SULT1E1: variants seen among roughly 807,000 people sequenced by gnomAD.
The protein encoded by SULT1E1 is sulfotransferase family 1E member 1.
SULT1E1 carries 36 observed loss-of-function variants against 33.6 expected under a neutral mutation model. That is an observed-to-expected ratio of 1.07 (90% CI 0.82 to 1.41). The LOEUF (loss-of-function observed/expected upper bound fraction) is 1.41, where lower values mean the gene tolerates loss of function less well. Among genes scored for constraint, SULT1E1 ranks in the 40% most tolerant of loss-of-function variants. The pLI, the probability that SULT1E1 is intolerant of heterozygous loss-of-function variation, is 0.00. For missense variants in SULT1E1, 371 were observed against 345.7 expected, an observed-to-expected ratio of 1.07 and a Z score of -0.58; for synonymous variants, 121 against 111.7, an observed-to-expected ratio of 1.08 and a Z score of -0.53.
downstream of SULT1E1, among the ~76,000 whole-genome samples, chr4:69,837,311 T>G (rs566750716): frequency 1.3e-5 from 2 of 152,200 alleles, no homozygotes; most frequent in African/African-American, 4.8e-5. Flanking sequence ...ATGAAATGAG[T>G]AAAACATTTG....
the SULT1E1 span, among the ~76,000 whole-genome samples, chr4:69,823,593 C>A: frequency 2.0e-5 from 3 of 152,122 alleles, no homozygotes; most frequent in South Asian, 2.1e-4. Flanking sequence ...GTGGCCCATA[C>A]GGTGTCTAAG....
At chr4:69,830,434 G>A in the SULT1E1 span, among the ~76,000 whole-genome samples, 8 of 152,354 alleles carry the variant, frequency 5.3e-5, no homozygotes, top group Admixed American at 1.3e-4. Flanking sequence ...TGAACAGGGT[G>A]TACAACCGAA....
chr4:69,849,909 T>A (rs1042864759), intron 4 of SULT1E1, among the ~76,000 whole-genome samples: 2 of 151,972 alleles, frequency 1.3e-5, no homozygotes, highest in African/African-American at 4.8e-5. Context: ...TAAGCTGAAA[T>A]TTAGTGATAA....
the SULT1E1 span, among the ~76,000 whole-genome samples, chr4:69,834,966 G>T: frequency 6.6e-6 from 1 of 151,998 alleles, no homozygotes; most frequent in African/African-American, 2.4e-5. Context: ...CTGAAGAATT[G>T]TTACCATATC....
chr4:69,838,161 G>A (rs570824661), downstream of SULT1E1, among the ~76,000 whole-genome samples: 10 of 152,088 alleles, frequency 6.6e-5, 1 homozygote, highest in African/African-American at 1.4e-4. Flanking sequence ...TAGGTCCTCT[G>A]TTTTCCCATC....
intron 4 of SULT1E1, among the ~76,000 whole-genome samples, chr4:69,851,506 A>G (rs1307872966): frequency 6.6e-6 from 1 of 152,190 alleles, no homozygotes; most frequent in Admixed American, 6.5e-5. Context: ...AGAAATAGGA[A>G]CACTTTTACA....
intron 1 of SULT1E1, among the ~76,000 whole-genome samples, chr4:69,858,872 G>A (rs1270325513): frequency 6.6e-6 from 1 of 152,096 alleles, no homozygotes; most frequent in Non-Finnish European, 1.5e-5. Flanking sequence ...CTTTCTTGGT[G>A]TTCAGCCAAG....
chr4:69,851,253 A>G (rs988701178), intron 4 of SULT1E1, among the ~76,000 whole-genome samples: 2 of 152,196 alleles, frequency 1.3e-5, no homozygotes, highest in African/African-American at 4.8e-5. Context: ...TCCAGAATAT[A>G]CAAAAAACTC....
intron 4 of SULT1E1, among the ~76,000 whole-genome samples, chr4:69,853,283 T>C (rs539169232): frequency 1.3e-5 from 2 of 152,266 alleles, no homozygotes; most frequent in South Asian, 2.1e-4. Context: ...TCATGTATAA[T>C]ATTATTTTTA....
intron 6 of SULT1E1, among the ~76,000 whole-genome samples, chr4:69,845,262 G>A (rs560360236): frequency 1.3e-5 from 2 of 151,872 alleles, no homozygotes; most frequent in Non-Finnish European, 2.9e-5. Flanking sequence ...ATAATTTATT[G>A]TACATTTTAA....
Position 69,848,134 on chromosome 4 carries a change from T to C in SULT1E1, c.497-342A>G, listed in dbSNP as rs982177795. ...TGTGTGTGTAGAATCAAATTGTTAG[T>C]GAAGGGAGTTGACTTAGTGAAACTA... On this transcript the variant is annotated intron_variant, in intron 5 of 7. Transcript: ENST00000226444. Among the ~76,000 whole-genome samples, 8 of 150,872 alleles carry C rather than the reference T, an allele frequency of 5.3e-5. No individual in the cohort carries two copies. The South Asian group carries it at 1.5e-3, about 27-fold the overall frequency.
chr4:69,832,364 C>T, the SULT1E1 span, among the ~76,000 whole-genome samples: 8 of 152,136 alleles, frequency 5.3e-5, no homozygotes, highest in Admixed American at 1.3e-4. Context: ...TCCTGGCTGG[C>T]GCACCAGAAA....
chr4:69,841,894 T>A lies in SULT1E1; in HGVS notation c.*100A>T. 1.0e-5 allele frequency: 6 copies of A among 584,910 alleles called. No homozygotes were observed. The highest frequency in any genetic ancestry group is 3.6e-5 in the East Asian group (1 of 27,716). The allele number at this position is 584,910 out of a possible 1,614,324, so 36.2% of individuals were successfully genotyped here. ...ATTTAAAAAGAAAATGTCAACATAA[T>A]CCATGATTATGTCTTTTCTAGCAAT... On this transcript the variant is annotated 3_prime_UTR_variant, in exon 8 of 8. Coordinates refer to ENST00000226444, the MANE Select transcript of SULT1E1 (RefSeq NM_005420.3).
the SULT1E1 span, among the ~76,000 whole-genome samples, chr4:69,827,445 T>C: frequency 6.6e-6 from 1 of 151,874 alleles, no homozygotes; most frequent in South Asian, 2.1e-4. Flanking sequence ...CTAAGGAGAA[T>C]TAGGAAAAAA....
downstream of SULT1E1, among the ~76,000 whole-genome samples, chr4:69,837,421 G>T (rs924542632): frequency 1.3e-5 from 2 of 151,830 alleles, no homozygotes; most frequent in African/African-American, 4.8e-5. Context: ...TGAAAGATAA[G>T]AAAAACATAT....
chr4:69,855,478 A>AC, intron 2 of SULT1E1, 52 bp from the exon 3 acceptor site: 1 of 1,539,940 alleles, frequency 6.5e-7, no homozygotes, highest in Non-Finnish European at 8.7e-7. Context: ...AGAGTTGATG[A>AC]CATTAGTGCT....
intron 4 of SULT1E1, among the ~76,000 whole-genome samples, chr4:69,851,891 T>G (rs1482278993): frequency 1.3e-5 from 2 of 151,602 alleles, no homozygotes; most frequent in Non-Finnish European, 2.9e-5. Flanking sequence ...ACCAAACACC[T>G]CATGTTCTCA....
At chr4:69,826,502 A>C in the SULT1E1 span, among the ~76,000 whole-genome samples, 1 of 151,958 alleles carries the variant, frequency 6.6e-6, no homozygotes, top group Non-Finnish European at 1.5e-5. Flanking sequence ...GGGTCCAGGG[A>C]CTGTTGCGGG....
At chr4:69,844,138 G>C in intron 7 of SULT1E1, 23 bp downstream of exon 7, 2 of 1,612,496 alleles carry the variant, frequency 1.2e-6, no homozygotes, top group South Asian at 2.2e-5. Context: ...CTCTAGTATC[G>C]AGGCAAACCA....
Sources: allele counts gnomAD v4.1 joint callset (sites outside exome capture counted in the v4.1 genomes callset), GRCh38; gene constraint gnomAD v4.1.1; transcripts MANE v1.5; gene names NCBI Gene and HGNC (gene_info 2026-07-23, HGNC 2026-07-21).